Variants in SHLD2 observed in about 807,000 individuals in gnomAD.
The protein encoded by SHLD2 is RINN1-REV7-interacting novel NHEJ regulator 2.
SHLD2 carries 30 observed loss-of-function variants against 73.2 expected under a neutral mutation model. The observed-to-expected ratio is 0.41, with a 90% CI of 0.31 to 0.56. The LOEUF (loss-of-function observed/expected upper bound fraction) is 0.56. SHLD2 is among the 20% of genes least tolerant of loss of function. SHLD2 has a pLI of 0.28. For missense variants in SHLD2, 745 were observed against 1,055.9 expected, an observed-to-expected ratio of 0.71 and a Z score of 4.08; for synonymous variants, 285 against 370.1, an observed-to-expected ratio of 0.77 and a Z score of 2.64.
intron 6 of SHLD2, among the ~76,000 whole-genome samples, chr10:87,173,881 G>A (rs181655019): frequency 0.046 from 6,948 of 151,968 alleles, 215 homozygotes; most frequent in African/African-American, 0.11. Flanking sequence ...TAAATATATG[G>A]AAAAATTGTT....
chr10:87,152,162 G>A lies in SHLD2; in HGVS notation c.808G>A (p.Val270Ile), dbSNP rs772158677. ...KRRSPVNKGN[V>I]NMETEPKASY... is the part of the protein sequence containing the mutation. ...GCGGAGTCCTGTAAATAAAGGGAAT[G>A]TAAACATGGAGACTGAACCAAAGGC... Residue 270 changes from valine (V) to isoleucine (I), a missense_variant, in exon 3 of 10, where the codon GTA becomes ATA. By Grantham distance (29) the Val-to-Ile change is conservative. Around this residue, in one of 5 missense-constraint regions of SHLD2, gnomAD observed 280 missense variants for 353.9 expected, o/e 0.79. Transcript: ENST00000298786. 1 of 1,610,730 alleles carries A rather than the reference G, an allele frequency of 6.2e-7. No homozygotes were observed. The highest frequency in any genetic ancestry group is 2.2e-5 in the East Asian group (1 of 44,830).
At chr10:87,175,213 A>G (rs535440899) in intron 6 of SHLD2, among the ~76,000 whole-genome samples, 1 of 152,158 alleles carries the variant, frequency 6.6e-6, no homozygotes, top group African/African-American at 2.4e-5. Flanking sequence ...TAAAATAACT[A>G]TTGAAATATG....
intron 3 of SHLD2, among the ~76,000 whole-genome samples, chr10:87,156,044 T>G (rs1564603066): frequency 6.6e-6 from 1 of 151,210 alleles, no homozygotes; most frequent in Non-Finnish European, 1.5e-5. Context: ...CCTATTGATA[T>G]ATACCCCCAA....
At chr10:87,103,472 G>T (rs1842399809) in intron 2 of SHLD2, among the ~76,000 whole-genome samples, 1 of 152,106 alleles carries the variant, frequency 6.6e-6, no homozygotes, top group Non-Finnish European at 1.5e-5. Context: ...ACAGCACTTT[G>T]GTTGAAAATG....
intron 2 of SHLD2, among the ~76,000 whole-genome samples, chr10:87,113,092 G>A (rs1473707564): frequency 1.3e-5 from 2 of 152,130 alleles, no homozygotes; most frequent in African/African-American, 2.4e-5. Context: ...TTGGGAGGCC[G>A]AGGCAGGTGG....
chr10:87,155,358 C>T (rs1241331591), intron 3 of SHLD2, among the ~76,000 whole-genome samples: 1 of 151,250 alleles, frequency 6.6e-6, no homozygotes, highest in Non-Finnish European at 1.5e-5. Context: ...AGATTCAATT[C>T]ACCTAACTCC....
rs1381017374 is a variant in SHLD2 at position 87,151,423 on chromosome 10, A to G, written c.69A>G (p.Ser23=). 1.2e-6 allele frequency: 2 copies of G among 1,607,424 alleles called. No homozygotes were observed. Among genetic ancestry groups the G allele is most frequent in the African/African-American group, 1.3e-5 (1 of 74,660 alleles). ...APIAPLKITV[S]EDTASLMSVA... is the part of the protein sequence containing the mutation. Reference sequence around the variant, plus strand: ...TTGCTCCACTGAAAATCACAGTATCAGAAGACACAGCTTCTTTAATGTCTG... The same window carrying G: ...TTGCTCCACTGAAAATCACAGTATCGGAAGACACAGCTTCTTTAATGTCTG... Residue 23 remains serine (S), a synonymous_variant, in exon 3 of 10, where the codon TCA becomes TCG. Coordinates refer to ENST00000298786, the MANE Select transcript of SHLD2 (RefSeq NM_001330112.2).
chr10:87,155,508 A>G, intron 3 of SHLD2, among the ~76,000 whole-genome samples: 1 of 151,654 alleles, frequency 6.6e-6, no homozygotes, highest in East Asian at 1.9e-4. Context: ...TGAAAAAAAA[A>G]TTTTTTTTTC....
intron 2 of SHLD2, among the ~76,000 whole-genome samples, chr10:87,148,696 T>C (rs1845802327): frequency 6.6e-6 from 1 of 151,864 alleles, no homozygotes; most frequent in East Asian, 1.9e-4. Flanking sequence ...TGAGCCATGA[T>C]TGCACCATTG....
At chr10:87,125,177 A>C (rs1481527656) in intron 2 of SHLD2, among the ~76,000 whole-genome samples, 5 of 152,222 alleles carry the variant, frequency 3.3e-5, no homozygotes, top group Admixed American at 2.0e-4. Flanking sequence ...ATCTCATTTA[A>C]GGTGTCCATC....
At chr10:87,146,137 G>T (rs1845589883) in intron 2 of SHLD2, among the ~76,000 whole-genome samples, 1 of 152,028 alleles carries the variant, frequency 6.6e-6, no homozygotes, top group Non-Finnish European at 1.5e-5. Context: ...TTTTTTGGGG[G>T]TGGTGAGGAG....
intron 4 of SHLD2, among the ~76,000 whole-genome samples, chr10:87,166,691 A>G (rs1847225229): frequency 6.6e-6 from 1 of 152,172 alleles, no homozygotes; most frequent in African/African-American, 2.4e-5. Context: ...AAGACCAATA[A>G]GATTTTCATG....
chr10:87,174,831 T>C (rs886780544), intron 6 of SHLD2, among the ~76,000 whole-genome samples: 1 of 152,158 alleles, frequency 6.6e-6, no homozygotes, highest in African/African-American at 2.4e-5. Context: ...AGTATTAGAA[T>C]TGTGGCCGGC....
rs1186226753 is a variant in SHLD2 at position 87,166,234 on chromosome 10, T to C, written c.1634-4244T>C. ...GGTAGAAATAAAACTGCCATTATTA[T>C]AGATGGTTTACATACCTTTTCCCTC... On this transcript the variant is annotated intron_variant, in intron 4 of 9. Coordinates refer to ENST00000298786, the MANE Select transcript of SHLD2 (RefSeq NM_001330112.2). Among the ~76,000 whole-genome samples the C allele has an allele frequency of 2.6e-5, 4 of 151,914 alleles. No individual in the cohort carries two copies. In the East Asian group the frequency reaches 7.7e-4, roughly 29 times the overall value.
chr10:87,131,039 C>T (rs1844392652), intron 2 of SHLD2, among the ~76,000 whole-genome samples: 2 of 152,050 alleles, frequency 1.3e-5, no homozygotes. Flanking sequence ...TGTACTCCAT[C>T]CTGGGTGACA....
At chr10:87,153,372 C>T (rs1846152485) in intron 3 of SHLD2, among the ~76,000 whole-genome samples, 1 of 152,192 alleles carries the variant, frequency 6.6e-6, no homozygotes, top group Non-Finnish European at 1.5e-5. Flanking sequence ...GGCCACTGCA[C>T]TCCAGCCCGA....
At chr10:87,163,327 G>T (rs577173480) in intron 4 of SHLD2, among the ~76,000 whole-genome samples, 62 of 152,188 alleles carry the variant, frequency 4.1e-4, no homozygotes, top group Admixed American at 1.2e-3. Flanking sequence ...TAAAGAGATT[G>T]GTCACCTACA....
Position 87,152,696 on chromosome 10 carries a change from G to A in SHLD2, c.1342G>A (p.Val448Met), listed in dbSNP as rs1328585632. 4 of 1,611,584 alleles carry A rather than the reference G, an allele frequency of 2.5e-6. No individual in the cohort carries two copies. In the South Asian group the frequency reaches 4.4e-5, roughly 18 times the overall value. Residue 448 changes from valine to methionine, a missense_variant, in exon 3 of 10, where the codon GTG becomes ATG. This residue lies in a region of SHLD2 where 418 missense variants were observed against 567.8 expected (regional missense o/e 0.74). Transcript: ENST00000298786. Reference sequence around the variant, plus strand: ...CCAGAAGTATAATTGTTTAGTCATGGTGCTATCTCCATGCCATGTGAAGGA... The same window carrying A: ...CCAGAAGTATAATTGTTTAGTCATGATGCTATCTCCATGCCATGTGAAGGA... ...KSQKYNCLVM[V>M]LSPCHVKEIN...
chr10:87,142,938 T>C (rs900879471), intron 2 of SHLD2, among the ~76,000 whole-genome samples: 1 of 138,058 alleles, frequency 7.2e-6, no homozygotes, highest in African/African-American at 2.7e-5. Context: ...TTTTTTTTTT[T>C]TTTTTTTTAG....
Sources: gnomAD v4.1 joint callset for allele counts (sites outside exome capture counted in the v4.1 genomes callset) on GRCh38, gnomAD v4.1.1 for gene constraint, gnomAD v4.1.1 regional missense constraint, MANE v1.5 for transcripts, NCBI Gene and HGNC (gene_info 2026-07-23, HGNC 2026-07-21) for gene names.